Variants in SASH1 observed in about 807,000 individuals in gnomAD.
SASH1 encodes the protein SAM and SH3 domain-containing protein 1.
SASH1 carries 44 observed loss-of-function variants against 125.2 expected under a neutral mutation model. That is an observed-to-expected ratio of 0.35 (90% CI 0.28 to 0.45). The LOEUF (loss-of-function observed/expected upper bound fraction) is 0.45. SASH1 is among the 20% of genes least tolerant of loss of function. The pLI is 1.00. For missense variants in SASH1, 1,426 were observed against 1,614.5 expected (o/e 0.88, Z 2.00); for synonymous variants, 639 against 649.1 (o/e 0.98, Z 0.24).
intron 1 of SASH1, among the ~76,000 whole-genome samples, chr6:148,317,888 G>T (rs67077262): frequency 0.17 from 25,137 of 152,066 alleles, 2,192 homozygotes; most frequent in East Asian, 0.31. Context: ...TAACAGTGAG[G>T]CATTCAGGAA....
the SASH1 span, among the ~76,000 whole-genome samples, chr6:148,211,982 C>T: frequency 3.9e-5 from 6 of 152,204 alleles, no homozygotes; most frequent in African/African-American, 1.2e-4. Context: ...AAGCCGCTCT[C>T]GGGCATACTT....
intron 1 of SASH1, among the ~76,000 whole-genome samples, chr6:148,321,415 G>T (rs922331714): frequency 3.2e-4 from 48 of 148,964 alleles, no homozygotes; most frequent in African/African-American, 1.1e-3. Context: ...AAAAGTAATG[G>T]CAAATGGATG....
chr6:148,305,563 C>G (rs925018055), intron 1 of SASH1, among the ~76,000 whole-genome samples: 2 of 139,652 alleles, frequency 1.4e-5, no homozygotes, highest in African/African-American at 2.7e-5. Context: ...ACAGAGATTA[C>G]AGTGAGCCAA....
chr6:148,195,633 C>G, the SASH1 span, among the ~76,000 whole-genome samples: 1 of 152,236 alleles, frequency 6.6e-6, no homozygotes, highest in South Asian at 2.1e-4. Flanking sequence ...ACCAGTTCCC[C>G]TGGCAGGTGG....
the SASH1 span, among the ~76,000 whole-genome samples, chr6:148,237,971 C>T: frequency 6.6e-6 from 1 of 152,094 alleles, no homozygotes; most frequent in East Asian, 1.9e-4. Context: ...CATAGGGTAC[C>T]ATGAGAATAG....
intron 4 of SASH1, among the ~76,000 whole-genome samples, chr6:148,467,088 C>CTTT (rs71004298): frequency 0.17 from 11,659 of 68,916 alleles, 1,628 homozygotes; most frequent in East Asian, 0.45. Flanking sequence ...TTCCCTGTTC[C>CTTT]TTTTTTTTTT....
intron 2 of SASH1, among the ~76,000 whole-genome samples, chr6:148,427,770 C>T (rs1775888435): frequency 6.6e-6 from 1 of 152,212 alleles, no homozygotes; most frequent in African/African-American, 2.4e-5. Flanking sequence ...AACTTACCCT[C>T]CTGTCTTCCC....
At chr6:148,361,105 C>CGAA (rs1370702455) in intron 1 of SASH1, among the ~76,000 whole-genome samples, 3 of 152,200 alleles carry the variant, frequency 2.0e-5, no homozygotes, top group African/African-American at 7.2e-5. Context: ...TAAGGAATGC[C>CGAA]GAAGATCGCT....
In SASH1 at chr6:148,548,575, C is replaced by G. The variant is rs1233437606; in HGVS notation, c.*17C>G. The stretch of plus-strand genomic sequence containing the variant: ...GCCATGTAGCCAGGCCCGGAATGGG[C>G]CTCTCTGGACAAGAGCCACCCTTTC... On this transcript the variant is annotated 3_prime_UTR_variant, in exon 20 of 20. Coordinates refer to ENST00000367467, the MANE Select transcript of SASH1 (RefSeq NM_015278.5). 1 of 1,571,860 alleles carries G rather than the reference C, an allele frequency of 6.4e-7. No individual in the cohort carries two copies. The highest frequency in any genetic ancestry group is 2.2e-5 in the East Asian group (1 of 44,652).
At chr6:148,457,153 A>G (rs1777397539) in intron 4 of SASH1, among the ~76,000 whole-genome samples, 1 of 151,652 alleles carries the variant, frequency 6.6e-6, no homozygotes, top group African/African-American at 2.4e-5. Context: ...AAACCAGAAT[A>G]AAAAGCAGAA....
At chr6:148,277,803 G>A (rs1397495867) in intron 1 of SASH1, among the ~76,000 whole-genome samples, 1 of 151,952 alleles carries the variant, frequency 6.6e-6, no homozygotes, top group Non-Finnish European at 1.5e-5. Context: ...TGCAAGCTCC[G>A]CCTCCCGGGT....
intron 1 of SASH1, among the ~76,000 whole-genome samples, chr6:148,327,939 TAAAAAAA>T (rs569288406): frequency 8.2e-6 from 1 of 121,292 alleles, no homozygotes; most frequent in African/African-American, 3.0e-5. Context: ...AGACTCTGTC[TAAAAAAA>T]AAAAAAAAAA....
chr6:148,199,958 A>C, the SASH1 span, among the ~76,000 whole-genome samples: 2 of 152,294 alleles, frequency 1.3e-5, no homozygotes, highest in East Asian at 3.9e-4. Context: ...GGGATATTGA[A>C]TAGGTCACCC....
intron 1 of SASH1, among the ~76,000 whole-genome samples, chr6:148,360,177 C>T (rs570515888): frequency 1.3e-5 from 2 of 152,122 alleles, no homozygotes; most frequent in African/African-American, 4.8e-5. Flanking sequence ...TCCTTGATGC[C>T]TCAGAGCTCA....
chr6:148,383,686 C>T (rs150690294), intron 1 of SASH1, among the ~76,000 whole-genome samples: 1 of 152,220 alleles, frequency 6.6e-6, no homozygotes, highest in African/African-American at 2.4e-5. Context: ...CTGGAAGTGA[C>T]ATCTGGGGAA....
chr6:148,229,041 G>A, the SASH1 span, among the ~76,000 whole-genome samples: 1 of 146,476 alleles, frequency 6.8e-6, no homozygotes, highest in South Asian at 2.2e-4. Flanking sequence ...GGCTAAGGCA[G>A]GAGAACCACT....
At chr6:148,314,584 G>A (rs563931603) in intron 1 of SASH1, among the ~76,000 whole-genome samples, 19 of 152,060 alleles carry the variant, frequency 1.2e-4, no homozygotes, top group African/African-American at 1.9e-4. Flanking sequence ...TACAGCATAA[G>A]TTTCAGTTTA....
chr6:148,321,477 C>T (rs929456082), intron 1 of SASH1, among the ~76,000 whole-genome samples: 1 of 151,404 alleles, frequency 6.6e-6, no homozygotes, highest in African/African-American at 2.4e-5. Context: ...GCTACTGAAA[C>T]AGAGGAACCC....
intron 1 of SASH1, among the ~76,000 whole-genome samples, chr6:148,326,319 C>T (rs1252211681): frequency 1.1e-3 from 15 of 13,880 alleles, no homozygotes; most frequent in African/African-American, 5.1e-3. Flanking sequence ...TGAGCCACCG[C>T]ATGCATATAT....
Sources: gnomAD v4.1 joint callset for allele counts (sites outside exome capture counted in the v4.1 genomes callset) on GRCh38, gnomAD v4.1.1 for gene constraint, MANE v1.5 for transcripts, NCBI Gene and HGNC (gene_info 2026-07-23, HGNC 2026-07-21) for gene names.